MLLT3: variants seen among roughly 807,000 people sequenced by gnomAD.
MLLT3 encodes MLLT3 super elongation complex subunit.
In MLLT3, 4 loss-of-function variants were observed where a neutral mutation model predicts 53.2. The ratio of observed to expected loss-of-function variants is 0.08; its 90% confidence interval spans 0.04 to 0.17. The LOEUF is 0.17. Ranked by LOEUF, MLLT3 falls within the 10% of genes least tolerant of loss-of-function variation. MLLT3 has a pLI of 1.00. For synonymous variants in MLLT3, 283 were observed against 230.6 expected (o/e 1.23, Z -2.06); for missense variants, 569 against 684.0 (o/e 0.83, Z 1.87).
intron 2 of MLLT3, among the ~76,000 whole-genome samples, chr9:20,457,174 T>C (rs1015937583): frequency 7.9e-5 from 12 of 151,672 alleles, no homozygotes; most frequent in African/African-American, 2.9e-4. Flanking sequence ...CTGCATCTAG[T>C]CTTTGATGCA....
Position 20,342,898 on chromosome 9 carries a change from C to T in MLLT3, c.*3545G>A, listed in dbSNP as rs1238525649. On this transcript the variant is annotated 3_prime_UTR_variant, in exon 11 of 11. Transcript: ENST00000380338. Reference sequence around the variant, plus strand: ...GTACATAGCATTAGTACACAAAACGCTAAAGGTGGAAAGTAATAAGCATAC... The same window carrying T: ...GTACATAGCATTAGTACACAAAACGTTAAAGGTGGAAAGTAATAAGCATAC... The T allele has an allele frequency of 1.6e-5, 3 of 182,922 alleles. No homozygotes were observed. The highest frequency in any genetic ancestry group is 7.2e-5 in the African/African-American group (3 of 41,852). 11.3% of individuals were successfully genotyped at this position (182,922 alleles called of 1,614,324 possible). A position where few individuals can be genotyped will look rare whatever the true frequency, so the allele number is the denominator to read the frequency against.
At chr9:20,501,770 A>C (rs1436189872) in intron 2 of MLLT3, among the ~76,000 whole-genome samples, 3 of 145,342 alleles carry the variant, frequency 2.1e-5, no homozygotes, top group East Asian at 2.0e-4. Flanking sequence ...AAAAAAAAAA[A>C]AAAAAAAAAA....
At chr9:20,440,730 A>G (rs563866647) in intron 4 of MLLT3, among the ~76,000 whole-genome samples, 1 of 152,260 alleles carries the variant, frequency 6.6e-6, no homozygotes, top group South Asian at 2.1e-4. Flanking sequence ...TTCAACTGCA[A>G]TATTTTTGTA....
chr9:20,591,229 C>T (rs1021449839), intron 2 of MLLT3, among the ~76,000 whole-genome samples: 2 of 152,090 alleles, frequency 1.3e-5, no homozygotes, highest in African/African-American at 4.8e-5. Context: ...GGGCCTGACA[C>T]TTAGGAAGAA....
chr9:20,539,611 G>T (rs1818574609), intron 2 of MLLT3, among the ~76,000 whole-genome samples: 1 of 152,102 alleles, frequency 6.6e-6, no homozygotes, highest in African/African-American at 2.4e-5. Context: ...TAACATGGGG[G>T]AAATCCACAC....
chr9:20,466,151 T>C (rs1380076167), intron 2 of MLLT3, among the ~76,000 whole-genome samples: 1 of 151,486 alleles, frequency 6.6e-6, no homozygotes, highest in Non-Finnish European at 1.5e-5. Context: ...GGATCAGAGG[T>C]TGATTTTGGA....
chr9:20,392,566 C>T (rs936070593), intron 5 of MLLT3, among the ~76,000 whole-genome samples: 1 of 152,102 alleles, frequency 6.6e-6, no homozygotes, highest in Non-Finnish European at 1.5e-5. Context: ...TTATATTTAT[C>T]TTTGTTAAAT....
At chr9:20,380,307 T>C (rs963037776) in intron 5 of MLLT3, 1 of 151,222 alleles carries the variant, frequency 6.6e-6, no homozygotes, top group Non-Finnish European at 1.5e-5. Flanking sequence ...ACAGACAAGT[T>C]AGTGAGGGTC....
chr9:20,364,583 C>G (rs1205541393), intron 6 of MLLT3, among the ~76,000 whole-genome samples: 2 of 152,194 alleles, frequency 1.3e-5, no homozygotes, highest in Non-Finnish European at 2.9e-5. Context: ...TCACATTCTG[C>G]AAAACCCAAA....
chr9:20,574,928 A>T (rs1213660864), intron 2 of MLLT3, among the ~76,000 whole-genome samples: 1 of 152,186 alleles, frequency 6.6e-6, no homozygotes, highest in Non-Finnish European at 1.5e-5. Context: ...TAATGTTCTA[A>T]ATCCTTTGTT....
intron 2 of MLLT3, among the ~76,000 whole-genome samples, chr9:20,482,977 G>A (rs1008807935): frequency 6.6e-6 from 1 of 152,022 alleles, no homozygotes; most frequent in Non-Finnish European, 1.5e-5. Flanking sequence ...AATTTTCTTT[G>A]CTGATCTTAG....
intron 2 of MLLT3, among the ~76,000 whole-genome samples, chr9:20,595,771 A>T (rs1820245530): frequency 1.3e-5 from 2 of 152,208 alleles, no homozygotes; most frequent in South Asian, 4.1e-4. Flanking sequence ...TTTTATATAA[A>T]AAGTCTTATC....
chr9:20,515,410 G>A (rs1024182899), intron 2 of MLLT3, among the ~76,000 whole-genome samples: 5 of 152,194 alleles, frequency 3.3e-5, no homozygotes, highest in East Asian at 1.9e-4. Flanking sequence ...GGGACCTGGT[G>A]AATAGGGACT....
rs974655300 is a variant in MLLT3 at position 20,380,524 on chromosome 9, A to C, written c.1126-14780T>G. 2.8e-4 allele frequency among the ~76,000 whole-genome samples: 42 copies of C among 152,076 alleles called. 1 individual carries two copies. The highest frequency in any genetic ancestry group is 2.7e-3 in the Admixed American group (41 of 15,258). On this transcript the variant is annotated intron_variant, in intron 5 of 10. Transcript: ENST00000380338. ...AATCATTATTCAGGAATTATTATTC[A>C]GTTCTACAAACCTTACTATCCACAC...
At chr9:20,513,178 T>A (rs1291044546) in intron 2 of MLLT3, among the ~76,000 whole-genome samples, 1 of 152,170 alleles carries the variant, frequency 6.6e-6, no homozygotes, top group Non-Finnish European at 1.5e-5. Flanking sequence ...AATGCCTAAG[T>A]GTCTGACCTG....
rs376194779 is a variant in MLLT3, at chr9:20,525,262, C to T, written c.194-68476G>A. 9.9e-5 allele frequency among the ~76,000 whole-genome samples: 15 copies of T among 152,060 alleles called. No homozygotes were observed. In the East Asian group the frequency reaches 2.7e-3, roughly 27 times the overall value. On this transcript the variant is annotated intron_variant, in intron 2 of 10. Transcript: ENST00000380338. ...CTGTAATCCCAGCACTTTGGGAGGC[C>T]GACACAAGCGGATCACCTGAGGTCA...
chr9:20,413,788 G>C lies in MLLT3; in HGVS notation c.1058C>G (p.Pro353Arg), dbSNP rs771693368. Residue 353 changes from proline to arginine, a missense_variant, in exon 5 of 11, where the codon CCG becomes CGG. Physicochemically the swap from Pro to Arg is moderately radical, Grantham distance 103 (BLOSUM62 -2). Transcript: ENST00000380338. ...ETSEKKKSTL[P>R]PFDDIVDPND... Reference sequence around the variant, plus strand: ...GGGATCCACAATATCATCAAATGGCGGTAACGTTGATTTCTTCTTCTCTGA... The same window carrying C: ...GGGATCCACAATATCATCAAATGGCCGTAACGTTGATTTCTTCTTCTCTGA... 5 of 1,613,768 alleles carry C rather than the reference G, an allele frequency of 3.1e-6. No individual in the cohort carries two copies. Among genetic ancestry groups the C allele is most frequent in the Non-Finnish European group, 4.2e-6 (5 of 1,179,922 alleles).
chr9:20,511,501 C>T (rs1006718457), intron 2 of MLLT3, among the ~76,000 whole-genome samples: 3 of 152,052 alleles, frequency 2.0e-5, no homozygotes, highest in Non-Finnish European at 4.4e-5. Context: ...GAAGTAAAAG[C>T]AACAGTGAAT....
intron 2 of MLLT3, among the ~76,000 whole-genome samples, chr9:20,500,178 A>C (rs1459536957): frequency 6.6e-6 from 1 of 152,204 alleles, no homozygotes; most frequent in East Asian, 1.9e-4. Context: ...ATTTGGCTGC[A>C]CTGAAATGGT....
Sources: allele counts gnomAD v4.1 joint callset (sites outside exome capture counted in the v4.1 genomes callset), GRCh38; gene constraint gnomAD v4.1.1; transcripts MANE v1.5; gene names NCBI Gene and HGNC (gene_info 2026-07-23, HGNC 2026-07-21).